Variants in NEO1 observed in about 807,000 individuals in gnomAD.
NEO1 encodes neogenin.
NEO1 carries 63 observed loss-of-function variants against 159.7 expected under a neutral mutation model. The observed-to-expected ratio is 0.39, with a 90% confidence interval of 0.32 to 0.49. The LOEUF (loss-of-function observed/expected upper bound fraction) is 0.49, where lower values mean the gene tolerates loss of function less well. Ranked by LOEUF, NEO1 falls within the 20% of genes least tolerant of loss-of-function variation. The probability of loss-of-function intolerance (pLI) is 0.85; values close to 1 mark genes in which losing one functional copy is unlikely to be tolerated. For missense variants in NEO1, 1,615 were observed against 1,831.0 expected (o/e 0.88, Z 2.15); for synonymous variants, 633 against 662.0 (o/e 0.96, Z 0.67).
intron 3 of NEO1, 96 bp from the exon 4 acceptor site, chr15:73,126,321 C>G (rs966615073): frequency 8.6e-7 from 1 of 1,158,362 alleles, no homozygotes; most frequent in Non-Finnish European, 1.2e-6. Context: ...CCTCCCTCCT[C>G]GGCCTCCCAA....
intron 7 of NEO1, among the ~76,000 whole-genome samples, chr15:73,181,354 GATAA>G (rs1438206739): frequency 7.9e-5 from 12 of 152,198 alleles, no homozygotes; most frequent in African/African-American, 2.7e-4. Flanking sequence ...ATTGTGAGAT[GATAA>G]ATACTTACAC....
At chr15:73,075,440 C>T (rs2068724303) in intron 1 of NEO1, among the ~76,000 whole-genome samples, 1 of 152,062 alleles carries the variant, frequency 6.6e-6, no homozygotes, top group Non-Finnish European at 1.5e-5. Context: ...TGATTAAATG[C>T]CAGATGAGTG....
At chr15:73,127,514 G>A (rs2030454264) in intron 4 of NEO1, among the ~76,000 whole-genome samples, 1 of 152,168 alleles carries the variant, frequency 6.6e-6, no homozygotes, top group African/African-American at 2.4e-5. Flanking sequence ...GGTGGCAGTA[G>A]CACTTCCGCA....
intron 7 of NEO1, among the ~76,000 whole-genome samples, chr15:73,225,347 G>A (rs2038518374): frequency 6.6e-6 from 1 of 152,092 alleles, no homozygotes; most frequent in Admixed American, 6.6e-5. Context: ...AACCAGAGGT[G>A]CGCGGGGTCC....
intron 7 of NEO1, among the ~76,000 whole-genome samples, chr15:73,209,188 C>G (rs117684377): frequency 0.014 from 2,066 of 152,248 alleles, 19 homozygotes; most frequent in South Asian, 0.017. Context: ...TCTTATACTT[C>G]TCATTTATGA....
chr15:73,283,146 G>A, intron 23 of NEO1, 35 bp downstream of exon 23: 2 of 1,611,426 alleles, frequency 1.2e-6, no homozygotes, highest in African/African-American at 1.3e-5. Flanking sequence ...TAGATTTTTG[G>A]CATCTTATCT....
intron 11 of NEO1, among the ~76,000 whole-genome samples, chr15:73,252,920 G>T (rs941240897): frequency 6.6e-6 from 1 of 152,146 alleles, no homozygotes; most frequent in African/African-American, 2.4e-5. Flanking sequence ...AACCCAGGAG[G>T]CAGAGGTTGC....
At chr15:73,223,285 T>A (rs1223403103) in intron 7 of NEO1, among the ~76,000 whole-genome samples, 2 of 152,004 alleles carry the variant, frequency 1.3e-5, no homozygotes. Context: ...TCTGTATATA[T>A]CTGTTAAGTC....
intron 1 of NEO1, among the ~76,000 whole-genome samples, chr15:73,074,958 A>G (rs774067996): frequency 3.4e-4 from 51 of 152,174 alleles, no homozygotes; most frequent in Non-Finnish European, 6.0e-4. Flanking sequence ...AGGACGTAAC[A>G]CAGTGCCTGG....
rs987009015 is a variant in NEO1, at chr15:73,266,491, A to AGGTG, written c.2494+81_2494+84dup. 3.9e-6 allele frequency: 4 copies of AGGTG among 1,023,886 alleles called. No individual in the cohort carries two copies. In the African/African-American group the frequency reaches 6.5e-5, roughly 17 times the overall value. The allele number at this position is 1,023,886 out of a possible 1,614,324, so 63.4% of individuals were successfully genotyped here. On this transcript the variant is annotated intron_variant, in intron 16 of 28. Coordinates refer to ENST00000261908, the MANE Select transcript of NEO1 (RefSeq NM_002499.4). ...AATATTGGCATGAGGCCTATCCCAT[A>AGGTG]GGTGTTAGGGAAGAAAAAGCATATG...
At position 73,209,444 on chromosome 15, in the gene NEO1, C is replaced by T. The variant is rs8042375; in HGVS notation, c.1292-26903C>T. On this transcript the variant is annotated intron_variant, in intron 7 of 28. Transcript: ENST00000261908. ...GAGTGTAAATGCTTCATTTGAATGT[C>T]TTTAATCTGAAGGAACAGTTGTTTT... 5.5e-3 allele frequency among the ~76,000 whole-genome samples: 843 copies of T among 152,268 alleles called. 11 individuals are homozygous for T. Among genetic ancestry groups the T allele is most frequent in the African/African-American group, 0.019 (799 of 41,560 alleles).
chr15:73,253,982 A>G (rs1319957253), intron 12 of NEO1, among the ~76,000 whole-genome samples: 2 of 152,204 alleles, frequency 1.3e-5, no homozygotes, highest in Non-Finnish European at 2.9e-5. Context: ...TCAGAGGCCC[A>G]GAGCCCTTCT....
At chr15:73,144,355 T>C (rs1461858447) in intron 5 of NEO1, among the ~76,000 whole-genome samples, 1 of 152,226 alleles carries the variant, frequency 6.6e-6, no homozygotes, top group Non-Finnish European at 1.5e-5. Context: ...AGGTGAACTT[T>C]CCTCCACATG....
chr15:73,301,362 G>A lies in NEO1; in HGVS notation c.4207G>A (p.Gly1403Arg), dbSNP rs977602517. ...HIHSVKTASIGTLGRSRPPMP... is the reference protein window; with the variant it reads ...HIHSVKTASIRTLGRSRPPMP... ...TCACTCAGTGAAGACAGCCTCCATC[G>A]GGACTCTAGGAAGGAGCCGGCCTCC... Residue 1403 changes from glycine (G) to arginine (R), a missense_variant, in exon 28 of 29, where the codon GGG (glycine) becomes AGG (arginine). Gly to Arg is a moderately radical substitution (Grantham distance 125). Around this residue, in one of 3 missense-constraint regions of NEO1, gnomAD observed 471 missense variants for 498.9 expected, o/e 0.94. Transcript: ENST00000261908. The A allele has an allele frequency of 8.1e-6, 13 of 1,614,128 alleles. No individual in the cohort carries two copies. Among genetic ancestry groups the A allele is most frequent in the South Asian group, 6.6e-5 (6 of 91,078 alleles).
chr15:73,170,073 G>A (rs1001742849), intron 5 of NEO1, among the ~76,000 whole-genome samples: 3 of 152,040 alleles, frequency 2.0e-5, no homozygotes, highest in Non-Finnish European at 4.4e-5. Context: ...CTCCAAAGGT[G>A]TATCCAGTTG....
chr15:73,097,562 T>C (rs1321277652), intron 1 of NEO1, among the ~76,000 whole-genome samples: 2 of 151,916 alleles, frequency 1.3e-5, no homozygotes, highest in South Asian at 2.1e-4. Context: ...GGTTTTGCCA[T>C]GTTGGCCAGG....
At chr15:73,280,485 A>G (rs1434528231) in intron 22 of NEO1, among the ~76,000 whole-genome samples, 1 of 151,942 alleles carries the variant, frequency 6.6e-6, no homozygotes, top group African/African-American at 2.4e-5. Flanking sequence ...AACCACCTCC[A>G]CCTCTGCCTG....
intron 7 of NEO1, among the ~76,000 whole-genome samples, chr15:73,235,987 C>T (rs1407875423): frequency 6.6e-6 from 1 of 152,216 alleles, no homozygotes; most frequent in Non-Finnish European, 1.5e-5. Flanking sequence ...GCTGTGCCTT[C>T]TGTGAGAAGT....
At chr15:73,289,895 A>T (rs1414540049) in intron 25 of NEO1, among the ~76,000 whole-genome samples, 1 of 152,194 alleles carries the variant, frequency 6.6e-6, no homozygotes, top group Non-Finnish European at 1.5e-5. Context: ...GGTTGCAGTG[A>T]GCCAAAATCG....
Sources: gnomAD v4.1 joint callset for allele counts (sites outside exome capture counted in the v4.1 genomes callset) on GRCh38, gnomAD v4.1.1 for gene constraint, gnomAD v4.1.1 regional missense constraint, MANE v1.5 for transcripts, NCBI Gene and HGNC (gene_info 2026-07-23, HGNC 2026-07-21) for gene names.